CACNA2D3: variants seen among roughly 807,000 people sequenced by gnomAD.
The protein encoded by CACNA2D3 is voltage-dependent calcium channel subunit alpha-2/delta-3.
A neutral mutation model predicts 160.6 loss-of-function variants in CACNA2D3; 60 were observed. The ratio of observed to expected loss-of-function variants is 0.37; its 90% confidence interval spans 0.30 to 0.46. The LOEUF (loss-of-function observed/expected upper bound fraction) is 0.46, where lower values mean the gene tolerates loss of function less well. Ranked by LOEUF, CACNA2D3 falls within the 20% of genes least tolerant of loss-of-function variation. The pLI is 1.00. For missense variants in CACNA2D3, 1,205 were observed against 1,365.0 expected, an observed-to-expected ratio of 0.88 and a Z score of 1.85; for synonymous variants, 558 against 492.9, an observed-to-expected ratio of 1.13 and a Z score of -1.75.
At chr3:54,719,973 A>G (rs1248922180) in intron 11 of CACNA2D3, among the ~76,000 whole-genome samples, 1 of 151,790 alleles carries the variant, frequency 6.6e-6, no homozygotes, top group Admixed American at 6.6e-5. Flanking sequence ...TCACATGTAA[A>G]AGATCTGTAG....
chr3:54,830,672 C>T (rs1237048758), intron 14 of CACNA2D3, among the ~76,000 whole-genome samples: 1 of 152,022 alleles, frequency 6.6e-6, no homozygotes, highest in Non-Finnish European at 1.5e-5. Context: ...CCAAGCTGGT[C>T]TCAAACTCCC....
intron 2 of CACNA2D3, among the ~76,000 whole-genome samples, chr3:54,230,982 G>C (rs1238419158): frequency 6.6e-6 from 1 of 152,178 alleles, no homozygotes; most frequent in Non-Finnish European, 1.5e-5. Flanking sequence ...GATAGATGAT[G>C]ATGGGGACAC....
rs778226446 is a variant in CACNA2D3 at position 54,984,584 on chromosome 3, T to G, written c.2557-24T>G. On this transcript the variant is annotated intron_variant, in intron 29 of 37. Coordinates refer to ENST00000474759, the MANE Select transcript of CACNA2D3 (RefSeq NM_018398.3). Reference sequence around the variant, plus strand: ...CCGAAGTTGAAGCTGTTTTTTTGTTTTTGTTTTTTTTTTAATTTTCTAGAC... The same window carrying G: ...CCGAAGTTGAAGCTGTTTTTTTGTTGTTGTTTTTTTTTTAATTTTCTAGAC... 18 of 1,440,564 alleles carry G rather than the reference T, an allele frequency of 1.2e-5. No homozygotes were observed. In the African/African-American group the frequency reaches 2.0e-4, roughly 16 times the overall value. The allele number at this position is 1,440,564 out of a possible 1,614,324, so 89.2% of individuals were successfully genotyped here. A position where few individuals can be genotyped will look rare whatever the true frequency, so the allele number is the denominator to read the frequency against.
chr3:54,295,919 G>C lies in CACNA2D3; in HGVS notation c.205-24523G>C, dbSNP rs541521566. Reference sequence around the variant, plus strand: ...TGGCTTAGTGATTTTGGGGTCCTAAGATTTATTTTCCTTTCATACCTCCCT... The same window carrying C: ...TGGCTTAGTGATTTTGGGGTCCTAACATTTATTTTCCTTTCATACCTCCCT... On this transcript the variant is annotated intron_variant, in intron 2 of 37. Coordinates refer to ENST00000474759, the MANE Select transcript of CACNA2D3 (RefSeq NM_018398.3). 5.9e-5 allele frequency among the ~76,000 whole-genome samples: 9 copies of C among 152,312 alleles called. No individual in the cohort carries two copies. The East Asian group carries it at 1.5e-3, about 26-fold the overall frequency.
chr3:54,383,988 A>G (rs1435487782), intron 3 of CACNA2D3, among the ~76,000 whole-genome samples: 2 of 152,224 alleles, frequency 1.3e-5, no homozygotes, highest in Admixed American at 1.3e-4. Context: ...ATACATACAC[A>G]CATATGTAAA....
chr3:54,685,761 A>T (rs1185382302), intron 11 of CACNA2D3, among the ~76,000 whole-genome samples: 1 of 152,114 alleles, frequency 6.6e-6, no homozygotes, highest in African/African-American at 2.4e-5. Context: ...GTTCATAGAG[A>T]CCACCCCTGG....
chr3:54,298,000 C>T (rs1019603638), intron 2 of CACNA2D3, among the ~76,000 whole-genome samples: 10 of 152,320 alleles, frequency 6.6e-5, no homozygotes, highest in African/African-American at 1.9e-4. Flanking sequence ...CAAAGCACCT[C>T]GGGAGATTCA....
At chr3:54,500,181 G>T (rs1213410655) in intron 4 of CACNA2D3, among the ~76,000 whole-genome samples, 1 of 152,218 alleles carries the variant, frequency 6.6e-6, no homozygotes, top group East Asian at 1.9e-4. Context: ...TCCCTGCTCT[G>T]AAGTCTGTTT....
At chr3:54,825,543 C>G (rs973267739) in intron 14 of CACNA2D3, among the ~76,000 whole-genome samples, 1 of 152,170 alleles carries the variant, frequency 6.6e-6, no homozygotes, top group Non-Finnish European at 1.5e-5. Context: ...GTATCCATCA[C>G]TTGACACACT....
chr3:55,032,654 C>T (rs1703708350), intron 35 of CACNA2D3, among the ~76,000 whole-genome samples: 1 of 152,138 alleles, frequency 6.6e-6, no homozygotes, highest in African/African-American at 2.4e-5. Context: ...CACTTCCCCT[C>T]TTAGTTGCCG....
chr3:54,216,521 A>C (rs763419009), intron 2 of CACNA2D3, among the ~76,000 whole-genome samples: 14 of 152,224 alleles, frequency 9.2e-5, no homozygotes, highest in Non-Finnish European at 1.9e-4. Context: ...TGTGAGCACC[A>C]AAGTGCGAGG....
At chr3:54,838,794 C>T (rs1404606318) in intron 16 of CACNA2D3, 146 bp downstream of exon 16, 4 of 634,568 alleles carry the variant, frequency 6.3e-6, no homozygotes, top group Non-Finnish European at 1.1e-5. Flanking sequence ...ATACCATCTG[C>T]ACAGTTATTT....
At chr3:54,183,892 GAAAAAAAAAAAAA>G (rs58956795) in intron 2 of CACNA2D3, among the ~76,000 whole-genome samples, 25 of 80,760 alleles carry the variant, frequency 3.1e-4, no homozygotes, top group African/African-American at 8.1e-4. Context: ...TCTCAAAAAA[GAAAAAAAAAAAAA>G]AAAAAAAAAA....
chr3:54,220,004 T>C (rs1476308021), intron 2 of CACNA2D3, among the ~76,000 whole-genome samples: 1 of 152,264 alleles, frequency 6.6e-6, no homozygotes, highest in African/African-American at 2.4e-5. Flanking sequence ...TTTATTGTGC[T>C]AACTGTGCCT....
At chr3:54,124,654 A>G (rs1156694003) in intron 2 of CACNA2D3, among the ~76,000 whole-genome samples, 3 of 152,228 alleles carry the variant, frequency 2.0e-5, no homozygotes, top group Non-Finnish European at 4.4e-5. Context: ...TTTTGGGGAC[A>G]GTATATGAAA....
chr3:54,302,119 C>G (rs76502116), intron 2 of CACNA2D3, among the ~76,000 whole-genome samples: 2,274 of 152,236 alleles, frequency 0.015, 55 homozygotes, highest in African/African-American at 0.05. Context: ...TGCTGAAAAC[C>G]CTGAGTATTG....
intron 14 of CACNA2D3, among the ~76,000 whole-genome samples, chr3:54,835,662 C>G (rs1291760242): frequency 6.6e-6 from 1 of 152,142 alleles, no homozygotes; most frequent in African/African-American, 2.4e-5. Flanking sequence ...AGAGAAGTGT[C>G]CAAATATCAG....
chr3:54,273,543 A>G (rs1307140441), intron 2 of CACNA2D3, among the ~76,000 whole-genome samples: 1 of 152,176 alleles, frequency 6.6e-6, no homozygotes, highest in Non-Finnish European at 1.5e-5. Flanking sequence ...TTCACAGGGC[A>G]GCGTTTCCCC....
At chr3:54,180,355 C>G (rs1404686376) in intron 2 of CACNA2D3, among the ~76,000 whole-genome samples, 2 of 152,152 alleles carry the variant, frequency 1.3e-5, no homozygotes, top group East Asian at 1.9e-4. Flanking sequence ...TTTGTCCTCA[C>G]AACAGCCCGA....
Sources: allele counts gnomAD v4.1 joint callset (sites outside exome capture counted in the v4.1 genomes callset), GRCh38; gene constraint gnomAD v4.1.1; transcripts MANE v1.5; gene names NCBI Gene and HGNC (gene_info 2026-07-23, HGNC 2026-07-21).